LRIT2: variants seen among roughly 807,000 people sequenced by gnomAD.
LRIT2 encodes leucine rich repeat, Ig-like and transmembrane domains 2, also known as leucine-rich repeat, immunoglobulin-like domain and transmembrane domain-containing protein 2.
In LRIT2, 23 loss-of-function variants were observed where a neutral mutation model predicts 22.4. That is an observed-to-expected ratio of 1.03 (90% confidence interval 0.74 to 1.45). The LOEUF is 1.45. Among genes scored for constraint, LRIT2 ranks in the 40% most tolerant of loss-of-function variants. The pLI is 0.00. For missense variants in LRIT2, 784 were observed against 665.6 expected, an observed-to-expected ratio of 1.18 and a Z score of -1.96; for synonymous variants, 291 against 267.1, an observed-to-expected ratio of 1.09 and a Z score of -0.87.
rs1342250562 is a variant in LRIT2, at chr10:84,222,409, G to A, written c.1164C>T (p.Thr388=). ...AGAGGGTGAACCACTCCTCCTTAGA[G>A]GTGTCAGCCACTGCAAGCCACTCCA... ...ILLEWLAVAD[T]SKEEWFTLYI... is the part of the protein sequence containing the mutation. Residue 388 remains threonine (T), a synonymous_variant, in exon 3 of 3, where the codon ACC becomes ACT. Transcript: ENST00000372113. The A allele has an allele frequency of 1.2e-6, 2 of 1,614,026 alleles. No individual in the cohort carries two copies. Among genetic ancestry groups the A allele is most frequent in the Non-Finnish European group, 1.7e-6 (2 of 1,180,044 alleles).
chr10:84,225,502 A>G lies in LRIT2; in HGVS notation c.19T>C (p.Tyr7His). 1 of 1,614,004 alleles carries G rather than the reference A, an allele frequency of 6.2e-7. No homozygotes were observed. Among genetic ancestry groups the G allele is most frequent in the Non-Finnish European group, 8.5e-7 (1 of 1,179,986 alleles). MASVFH[Y>H]FLLVLVFLDT... ...AGAAAGACCAGAACTAACAGGAAGT[A>G]ATGAAAAACTGAAGCCATATTTCTC... The change falls in exon 1 of 3, where the codon TAC becomes CAC. Residue 7 changes from tyrosine (Y) to histidine (H), a missense_variant. Tyr to His is a moderately conservative substitution (Grantham distance 83). Transcript: ENST00000372113.
rs1276831921 is a variant in LRIT2, at chr10:84,224,568, G to A, written c.657C>T (p.Thr219=). The change falls in exon 2 of 3, where the codon ACC becomes ACT. Residue 219 remains threonine (T), a synonymous_variant. Coordinates refer to ENST00000372113, the MANE Select transcript of LRIT2 (RefSeq NM_001017924.5). ...RGLVQFVKSI[T]LPVILVNSYL... is the part of the protein sequence containing the mutation. The stretch of plus-strand genomic sequence containing the variant: ...AGGAATTCACCAGGATGACTGGGAG[G>A]GTAATGGACTTGACAAACTGGACAA... 1 of 1,613,724 alleles carries A rather than the reference G, an allele frequency of 6.2e-7. No individual in the cohort carries two copies. Among genetic ancestry groups the A allele is most frequent in the Admixed American group, 1.7e-5 (1 of 59,986 alleles).
chr10:84,222,296 C>T lies in LRIT2; in HGVS notation c.1277G>A (p.Gly426Asp), dbSNP rs537193806. The T allele has an allele frequency of 3.7e-6, 6 of 1,614,186 alleles. No homozygotes were observed. In the South Asian group the frequency reaches 6.6e-5, roughly 18 times the overall value. The change falls in exon 3 of 3, where the codon GGC (glycine) becomes GAC (aspartate). Residue 426 changes from glycine (G) to aspartate (D), a missense_variant. Coordinates refer to ENST00000372113, the MANE Select transcript of LRIT2 (RefSeq NM_001017924.5). Reference sequence around the variant, plus strand: ...GCTGAGGCAGGCCTCATATTTTGTGCCAGGAAGGAGGTCATCCACAGCATA... The same window carrying T: ...GCTGAGGCAGGCCTCATATTTTGTGTCAGGAAGGAGGTCATCCACAGCATA... ...NTYAVDDLLPGTKYEACLSLE... is the reference protein window; with the variant it reads ...NTYAVDDLLPDTKYEACLSLE...
intron 2 of LRIT2, 150 bp from the exon 3 acceptor site, chr10:84,222,830 G>T: frequency 1.2e-6 from 1 of 850,950 alleles, no homozygotes; most frequent in Non-Finnish European, 1.9e-6. Flanking sequence ...CCTCGTACCT[G>T]GTGTCAGGTG....
chr10:84,221,943 C>T lies in LRIT2; in HGVS notation c.1630G>A (p.Gly544Arg). The T allele has an allele frequency of 6.5e-7, 1 of 1,531,426 alleles. No individual in the cohort carries two copies. The highest frequency in any genetic ancestry group is 1.3e-5 in the South Asian group (1 of 78,552). 94.9% of individuals were successfully genotyped at this position (1,531,426 alleles called of 1,614,324 possible). ...GTTCAGCTGTTGTCTTCCGTTCCTC[C>T]TTTCTCCTTGTCCCCCTCAGTGTCT... ...HIDTEGDKEKGGTEDNS is the reference protein window; with the variant it reads ...HIDTEGDKEKRGTEDNS Residue 544 changes from glycine (G) to arginine (R), a missense_variant, in exon 3 of 3, where the codon GGA becomes AGA. Coordinates refer to ENST00000372113, the MANE Select transcript of LRIT2 (RefSeq NM_001017924.5).
rs1589315491 is a variant in LRIT2 at position 84,221,954 on chromosome 10, T to G, written c.1619A>C (p.Asp540Ala). ...DGEGHIDTEG[D>A]KEKGGTEDNS ...GTCTTCCGTTCCTCCTTTCTCCTTG[T>G]CCCCCTCAGTGTCTATGTGCCCTTC... Residue 540 changes from aspartate to alanine, a missense_variant, in exon 3 of 3, where the codon GAC (aspartate) becomes GCC (alanine). Physicochemically the swap from Asp to Ala is moderately radical, Grantham distance 126. Coordinates refer to ENST00000372113, the MANE Select transcript of LRIT2 (RefSeq NM_001017924.5). The G allele has an allele frequency of 2.6e-6, 4 of 1,538,392 alleles. No homozygotes were observed. Among genetic ancestry groups the G allele is most frequent in the Non-Finnish European group, 3.5e-6 (4 of 1,141,362 alleles).
In LRIT2 at chr10:84,224,892, C is replaced by G; in HGVS notation, c.333G>C (p.Glu111Asp). ...HLPELRELRL[E>D]GNKLCSVPWT... Reference sequence around the variant, plus strand: ...ATGGTACTGAGCAGAGCTTGTTCCCCTCCAGTCTCAGCTCCCTCAGTTCTG... The same window carrying G: ...ATGGTACTGAGCAGAGCTTGTTCCCGTCCAGTCTCAGCTCCCTCAGTTCTG... The change falls in exon 2 of 3, where the codon GAG (glutamate) becomes GAC (aspartate). Residue 111 changes from glutamate (E) to aspartate (D), a missense_variant. Coordinates refer to ENST00000372113, the MANE Select transcript of LRIT2 (RefSeq NM_001017924.5). 1.2e-6 allele frequency: 2 copies of G among 1,614,156 alleles called. No individual in the cohort carries two copies. Among genetic ancestry groups the G allele is most frequent in the South Asian group, 2.2e-5 (2 of 91,082 alleles).
chr10:84,223,661 C>T (rs1203133963), intron 2 of LRIT2, among the ~76,000 whole-genome samples: 1 of 152,070 alleles, frequency 6.6e-6, no homozygotes, highest in African/African-American at 2.4e-5. Flanking sequence ...CTTTGGGATA[C>T]CCCCAGGGAG....
At position 84,225,542 on chromosome 10, in the gene LRIT2, T is replaced by C. The variant is rs1168097999; in HGVS notation, c.-22A>G. The C allele has an allele frequency of 6.2e-7, 1 of 1,610,118 alleles. No homozygotes were observed. The highest frequency in any genetic ancestry group is 1.3e-5 in the African/African-American group (1 of 74,852). On this transcript the variant is annotated 5_prime_UTR_variant, in exon 1 of 3. Coordinates refer to ENST00000372113, the MANE Select transcript of LRIT2 (RefSeq NM_001017924.5). ...CCATATTTCTCTGTAAGAAAATACG[T>C]TGTGAGTTTTGAATAAGTATCGCCC... is the stretch of plus-strand genomic sequence containing the variant.
chr10:84,221,973 G>T lies in LRIT2; in HGVS notation c.1600C>A (p.His534Asn). The T allele has an allele frequency of 6.4e-7, 1 of 1,570,428 alleles. No homozygotes were observed. The highest frequency in any genetic ancestry group is 8.6e-7 in the Non-Finnish European group (1 of 1,156,754). Reference sequence around the variant, plus strand: ...TCCTTGTCCCCCTCAGTGTCTATGTGCCCTTCACCGTCATCACAGACAGCT... The same window carrying T: ...TCCTTGTCCCCCTCAGTGTCTATGTTCCCTTCACCGTCATCACAGACAGCT... ...HPAVCDDGEG[H>N]IDTEGDKEKG... is the part of the protein sequence containing the mutation. The change falls in exon 3 of 3, where the codon CAC becomes AAC. Residue 534 changes from histidine (H) to asparagine (N), a missense_variant. His to Asn is a moderately conservative substitution (Grantham distance 68, BLOSUM62 1). Coordinates refer to ENST00000372113, the MANE Select transcript of LRIT2 (RefSeq NM_001017924.5).
intron 1 of LRIT2, 27 bp from the exon 2 acceptor site, chr10:84,225,141 A>G (rs1842552384): frequency 6.3e-7 from 1 of 1,575,194 alleles, no homozygotes; most frequent in South Asian, 1.2e-5. Flanking sequence ...AACAGCTTTA[A>G]GATAAACAAC....
At chr10:84,224,294 A>G (rs1336718225) in intron 2 of LRIT2, 39 bp downstream of exon 2, 8 of 1,572,058 alleles carry the variant, frequency 5.1e-6, no homozygotes, top group Middle Eastern at 2.3e-4. Flanking sequence ...AGACCTCTCC[A>G]TTCCCTCCAG....
intron 2 of LRIT2, among the ~76,000 whole-genome samples, chr10:84,223,266 C>G (rs1842529357): frequency 6.6e-6 from 1 of 152,102 alleles, no homozygotes; most frequent in South Asian, 2.1e-4. Context: ...AATCACCTAC[C>G]TCATTAGTTT....
chr10:84,224,809 A>G lies in LRIT2; in HGVS notation c.416T>C (p.Ile139Thr), dbSNP rs573127869. ...LRVLDLKRNKIDALPELALQF... is the reference protein window; with the variant it reads ...LRVLDLKRNKTDALPELALQF... ...AAGAGCCAGCTCAGGGAGTGCATCA[A>G]TCTTGTTGCGTTTGAGATCCAAGAC... Residue 139 changes from isoleucine (I) to threonine (T), a missense_variant, in exon 2 of 3, where the codon ATT becomes ACT. By Grantham distance (89) the Ile-to-Thr change is moderately conservative. Coordinates refer to ENST00000372113, the MANE Select transcript of LRIT2 (RefSeq NM_001017924.5). The G allele has an allele frequency of 1.4e-5, 23 of 1,614,068 alleles. 1 individual carries two copies. Among genetic ancestry groups the G allele is most frequent in the South Asian group, 8.8e-5 (8 of 91,078 alleles).
Position 84,222,206 on chromosome 10 carries a change from C to T in LRIT2, c.1367G>A (p.Gly456Glu). 6.2e-7 allele frequency: 1 copy of T among 1,614,220 alleles called. No homozygotes were observed. Among genetic ancestry groups the T allele is most frequent in the Non-Finnish European group, 8.5e-7 (1 of 1,180,044 alleles). The change falls in exon 3 of 3, where the codon GGG becomes GAG. Residue 456 changes from glycine to glutamate, a missense_variant. Transcript: ENST00000372113. The stretch of plus-strand genomic sequence containing the variant: ...CAGGAGGTGCTCACGTGCCTCTAGC[C>T]CACCAGCATCTCTGCCTGTTACAAA... ...VAFVTGRDAG[G>E]LEAREHLLHV... is the part of the protein sequence containing the mutation.
chr10:84,223,720 G>T (rs144254220), intron 2 of LRIT2, among the ~76,000 whole-genome samples: 12 of 152,264 alleles, frequency 7.9e-5, no homozygotes, highest in African/African-American at 2.9e-4. Flanking sequence ...TAGCATTAAA[G>T]GTAATCCCAG....
In LRIT2 at chr10:84,223,854, G is replaced by T. The variant is rs555038893; in HGVS notation, c.892+479C>A. Among the ~76,000 whole-genome samples the T allele has an allele frequency of 2.1e-4, 32 of 152,254 alleles. No homozygotes were observed. In the South Asian group the frequency reaches 6.0e-3, roughly 29 times the overall value. On this transcript the variant is annotated intron_variant, in intron 2 of 2. Transcript: ENST00000372113. Reference sequence around the variant, plus strand: ...CAGTATTACAAATTCAAGCCAATAAGGTCTGAACAATTTTATGTCAGTGTT... The same window carrying T: ...CAGTATTACAAATTCAAGCCAATAATGTCTGAACAATTTTATGTCAGTGTT...
chr10:84,222,901 T>C lies in LRIT2; in HGVS notation c.893-221A>G, dbSNP rs540746256. On this transcript the variant is annotated intron_variant, in intron 2 of 2. Coordinates refer to ENST00000372113, the MANE Select transcript of LRIT2 (RefSeq NM_001017924.5). The stretch of plus-strand genomic sequence containing the variant: ...ATCTTTACACATAGGATATTGAGGA[T>C]TGGAGCAATCCATCAACTTGCCCGT... 6 of 707,136 alleles carry C rather than the reference T, an allele frequency of 8.5e-6. No individual in the cohort carries two copies. In the East Asian group the frequency reaches 1.6e-4, roughly 19 times the overall value. The allele number at this position is 707,136 out of a possible 1,614,324, so 43.8% of individuals were successfully genotyped here. A position where few individuals can be genotyped will look rare whatever the true frequency, so the allele number is the denominator to read the frequency against.
At position 84,224,577 on chromosome 10, in the gene LRIT2, C is replaced by A; in HGVS notation, c.648G>T (p.Lys216Asn). 1 of 1,613,738 alleles carries A rather than the reference C, an allele frequency of 6.2e-7. No homozygotes were observed. Among genetic ancestry groups the A allele is most frequent in the Non-Finnish European group, 8.5e-7 (1 of 1,179,700 alleles). Reference sequence around the variant, plus strand: ...CCAGGATGACTGGGAGGGTAATGGACTTGACAAACTGGACAAGCCCCCTTA... The same window carrying A: ...CCAGGATGACTGGGAGGGTAATGGAATTGACAAACTGGACAAGCCCCCTTA... ...CRLRGLVQFV[K>N]SITLPVILVN... The change falls in exon 2 of 3, where the codon AAG (lysine) becomes AAT (asparagine). Residue 216 changes from lysine to asparagine, a missense_variant. Coordinates refer to ENST00000372113, the MANE Select transcript of LRIT2 (RefSeq NM_001017924.5).
Sources: gnomAD v4.1 joint callset for allele counts (sites outside exome capture counted in the v4.1 genomes callset) on GRCh38, gnomAD v4.1.1 for gene constraint, MANE v1.5 for transcripts, NCBI Gene and HGNC (gene_info 2026-07-23, HGNC 2026-07-21) for gene names.